Variants in CUEDC1 observed in about 807,000 individuals in gnomAD.
CUEDC1 encodes CUE domain-containing protein 1.
A neutral mutation model predicts 43.7 loss-of-function variants in CUEDC1; 30 were observed. That is an observed-to-expected ratio of 0.69 (90% CI 0.51 to 0.93). CUEDC1 has a LOEUF of 0.93. Among genes scored for constraint, CUEDC1 ranks in the 40% least tolerant of loss-of-function variants. The pLI, the probability that CUEDC1 is intolerant of heterozygous loss-of-function variation, is 0.00. For synonymous variants in CUEDC1, 223 were observed against 223.6 expected, an observed-to-expected ratio of 1.00 and a Z score of 0.02; for missense variants, 486 against 549.0, an observed-to-expected ratio of 0.89 and a Z score of 1.15.
intron 1 of CUEDC1, among the ~76,000 whole-genome samples, chr17:57,939,761 A>G (rs368468172): frequency 3.3e-5 from 5 of 152,074 alleles, no homozygotes; most frequent in African/African-American, 1.2e-4. Context: ...TCTCCTCAGG[A>G]GTTCACATCA....
At chr17:57,868,588 G>C in intron 7 of CUEDC1, 1 of 370,240 alleles carries the variant, frequency 2.7e-6, no homozygotes, top group South Asian at 2.8e-5. Context: ...CCGCCTTCCC[G>C]CCCCTCCCCT....
intron 3 of CUEDC1, among the ~76,000 whole-genome samples, chr17:57,875,648 C>T (rs985712794): frequency 1.3e-5 from 2 of 151,896 alleles, no homozygotes; most frequent in Non-Finnish European, 2.9e-5. Context: ...GAAGGGTCCC[C>T]GGGGTTTCAG....
rs146590372 is a variant in CUEDC1, at chr17:57,934,895, A to G, written c.-316+20330T>C. On this transcript the variant is annotated intron_variant, in intron 1 of 10. Transcript: ENST00000577830. ...GCTAATTTTTGTATTTTTAATAGAG[A>G]CAGGGTTTCGCCATGTTGCTCAGGC... is the stretch of plus-strand genomic sequence containing the variant. 1.2e-3 allele frequency among the ~76,000 whole-genome samples: 181 copies of G among 152,070 alleles called. 2 individuals carry two copies. In the East Asian group the frequency reaches 0.034, roughly 29 times the overall value.
chr17:57,951,795 C>T (rs2075009922), intron 1 of CUEDC1, among the ~76,000 whole-genome samples: 1 of 152,158 alleles, frequency 6.6e-6, no homozygotes. Context: ...CCTCAAAGAC[C>T]CTTGGTGCTG....
At position 57,885,421 on chromosome 17, in the gene CUEDC1, G is replaced by T. The variant is rs2074275183; in HGVS notation, c.144C>A (p.Asn48Lys). ...PARQVRRLEF[N>K]QAMDDFKTMF... Reference sequence around the variant, plus strand: ...TGGTCTTGAAGTCGTCCATGGCCTGGTTGAACTCCAGGCGGCGCACCTGGC... The same window carrying T: ...TGGTCTTGAAGTCGTCCATGGCCTGTTTGAACTCCAGGCGGCGCACCTGGC... Residue 48 changes from asparagine to lysine, a missense_variant, in exon 2 of 11, where the codon AAC becomes AAA. Asn to Lys is a moderately conservative substitution (Grantham distance 94). Coordinates refer to ENST00000577830, the MANE Select transcript of CUEDC1 (RefSeq NM_001271875.2). 3.1e-6 allele frequency: 5 copies of T among 1,605,350 alleles called. No homozygotes were observed. The East Asian group carries it at 1.1e-4, about 36-fold the overall frequency.
chr17:57,885,160 C>A (rs2074269037), intron 2 of CUEDC1, 69 bp downstream of exon 2: 3 of 1,484,996 alleles, frequency 2.0e-6, no homozygotes, highest in Non-Finnish European at 2.7e-6. Flanking sequence ...ATTACCCGGG[C>A]CGTGCCCCTA....
At chr17:57,881,120 C>T (rs1203556527) in intron 2 of CUEDC1, among the ~76,000 whole-genome samples, 1 of 152,236 alleles carries the variant, frequency 6.6e-6, no homozygotes, top group Non-Finnish European at 1.5e-5. Flanking sequence ...CCAGCACACA[C>T]AGCCTCCCAG....
At chr17:57,909,161 C>T (rs1207163432) in intron 1 of CUEDC1, among the ~76,000 whole-genome samples, 7 of 151,708 alleles carry the variant, frequency 4.6e-5, no homozygotes, top group African/African-American at 9.7e-5. Flanking sequence ...TTTTTTGAGA[C>T]GAAATCTCGT....
chr17:57,892,557 C>T (rs2074366375), intron 1 of CUEDC1: 1 of 152,452 alleles, frequency 6.6e-6, no homozygotes, highest in South Asian at 2.1e-4. Flanking sequence ...AGGAGCAGAC[C>T]CTACGTCCAT....
At chr17:57,907,435 G>A (rs567580376) in intron 1 of CUEDC1, among the ~76,000 whole-genome samples, 3 of 152,060 alleles carry the variant, frequency 2.0e-5, no homozygotes, top group South Asian at 4.1e-4. Flanking sequence ...CTCCACAGAC[G>A]GGAGCATGCT....
intron 1 of CUEDC1, among the ~76,000 whole-genome samples, chr17:57,946,894 C>G (rs1298319550): frequency 6.6e-6 from 1 of 152,168 alleles, no homozygotes; most frequent in Non-Finnish European, 1.5e-5. Flanking sequence ...GCATCTTCTT[C>G]CTCTCTCTGC....
intron 1 of CUEDC1, among the ~76,000 whole-genome samples, chr17:57,897,595 A>G (rs919809058): frequency 6.6e-6 from 1 of 150,860 alleles, no homozygotes; most frequent in Non-Finnish European, 1.5e-5. Flanking sequence ...GTGTGAACCC[A>G]GGAGGCGGAG....
In CUEDC1 at chr17:57,874,419, G is replaced by A. The variant is rs533904421; in HGVS notation, c.465-702C>T. On this transcript the variant is annotated intron_variant, in intron 3 of 10. Coordinates refer to ENST00000577830, the MANE Select transcript of CUEDC1 (RefSeq NM_001271875.2). The stretch of plus-strand genomic sequence containing the variant: ...GAGATGTGAGTGTGGAAGGGATCTC[G>A]CTCTCAGGGTGCTCTGGGGCCGCTC... 3.9e-5 allele frequency among the ~76,000 whole-genome samples: 6 copies of A among 152,306 alleles called. No homozygotes were observed. In the East Asian group the frequency reaches 1.2e-3, roughly 29 times the overall value.
In CUEDC1 at chr17:57,931,944, CAT is replaced by C. The variant is rs372046859; in HGVS notation, c.-316+23279_-316+23280del. ...GCCCCCACCCTGCTCCTCTCACCCACATGTGTCCTTCCCTCTCTCAGAATTCT... is the reference window on the plus strand; with the variant it reads ...GCCCCCACCCTGCTCCTCTCACCCACGTGTCCTTCCCTCTCTCAGAATTCT... On this transcript the variant is annotated intron_variant, in intron 1 of 10. Transcript: ENST00000577830. Among the ~76,000 whole-genome samples, 38 of 152,350 alleles carry C rather than the reference CAT, an allele frequency of 2.5e-4. No homozygotes were observed. In the East Asian group the frequency reaches 7.1e-3, roughly 29 times the overall value.
At chr17:57,929,191 T>C (rs2074778997) in intron 1 of CUEDC1, among the ~76,000 whole-genome samples, 1 of 152,182 alleles carries the variant, frequency 6.6e-6, no homozygotes, top group African/African-American at 2.4e-5. Context: ...AAATTCTGTG[T>C]GCTGGGCTCT....
rs1238103112 is a variant in CUEDC1 at position 57,954,495 on chromosome 17, C to A, written c.-316+730G>T. ...GCTGGGTGTAAGGCGACCACGCGAC[C>A]GAGAAAAGGAAGAGGGAGGAATGAA... On this transcript the variant is annotated intron_variant, in intron 1 of 10. Coordinates refer to ENST00000577830, the MANE Select transcript of CUEDC1 (RefSeq NM_001271875.2). The surrounding 1 kb of genome is among the most constrained non-coding windows in gnomAD (Gnocchi z 4.3). Among the ~76,000 whole-genome samples, 5 of 152,092 alleles carry A rather than the reference C, an allele frequency of 3.3e-5. No individual in the cohort carries two copies. Among genetic ancestry groups the A allele is most frequent in the Non-Finnish European group, 5.9e-5 (4 of 68,016 alleles).
At chr17:57,920,654 T>A (rs1157802857) in intron 1 of CUEDC1, among the ~76,000 whole-genome samples, 1 of 142,746 alleles carries the variant, frequency 7.0e-6, no homozygotes, top group Non-Finnish European at 1.5e-5. Flanking sequence ...TTTTTTGAGA[T>A]GGAGTCTTGC....
chr17:57,916,932 T>C (rs533402258), intron 1 of CUEDC1, among the ~76,000 whole-genome samples: 1 of 151,514 alleles, frequency 6.6e-6, no homozygotes, highest in East Asian at 1.9e-4. Flanking sequence ...GGAAAGTTTG[T>C]GAGAAGAGAT....
intron 2 of CUEDC1, among the ~76,000 whole-genome samples, chr17:57,880,833 C>CCTCAAG (rs1555658309): frequency 1.3e-5 from 2 of 151,570 alleles, no homozygotes; most frequent in African/African-American, 2.4e-5. Flanking sequence ...TCTTGAACTC[C>CCTCAAG]TGATCCACCA....
Sources: allele counts gnomAD v4.1 joint callset (sites outside exome capture counted in the v4.1 genomes callset), GRCh38; gene constraint gnomAD v4.1.1; non-coding constraint Gnocchi (gnomAD v3.1); transcripts MANE v1.5; gene names NCBI Gene and HGNC (gene_info 2026-07-23, HGNC 2026-07-21).